RAP1GAP2: variants seen among roughly 807,000 people sequenced by gnomAD.
The protein encoded by RAP1GAP2 is RAP1 GTPase activating protein 2, also known as rap1 GTPase-activating protein 2.
A neutral mutation model predicts 95.0 loss-of-function variants in RAP1GAP2; 27 were observed. The observed-to-expected ratio is 0.28, with a 90% CI of 0.21 to 0.39. The LOEUF is 0.39. RAP1GAP2 is among the 10% of genes least tolerant of loss of function. RAP1GAP2 has a pLI of 1.00. For missense variants in RAP1GAP2, 771 were observed against 970.0 expected (o/e 0.79, Z 2.72); for synonymous variants, 373 against 380.9 (o/e 0.98, Z 0.24).
At chr17:2,842,529 C>CAAAAAAAAAAAAAAAAAAAAAAAAAAA (rs34473053) in intron 2 of RAP1GAP2, among the ~76,000 whole-genome samples, 1 of 78,066 alleles carries the variant, frequency 1.3e-5, no homozygotes. Context: ...GATTCCGTCT[C>CAAAAAAAAAAAAAAAAAAAAAAAAAAA]AAAAAAAAAA....
chr17:2,937,606 G>GGGAAGGAGA (rs2043344381), intron 3 of RAP1GAP2, among the ~76,000 whole-genome samples: 1 of 152,142 alleles, frequency 6.6e-6, no homozygotes, highest in South Asian at 2.1e-4. Flanking sequence ...CTTTTTCCAG[G>GGGAAGGAGA]GGAAGGAGAG....
upstream of RAP1GAP2, among the ~76,000 whole-genome samples, chr17:2,772,684 G>C (rs184047046): frequency 2.8e-4 from 42 of 152,108 alleles, no homozygotes; most frequent in Admixed American, 1.2e-3. Flanking sequence ...CTATGATCTA[G>C]GTACTATTGT....
intron 2 of RAP1GAP2, among the ~76,000 whole-genome samples, chr17:2,863,828 A>C (rs1308336936): frequency 1.3e-5 from 2 of 152,142 alleles, no homozygotes; most frequent in Non-Finnish European, 2.9e-5. Context: ...AGGCCAAGGC[A>C]GGCGGATCAC....
chr17:3,028,811 T>A (rs2047205210), intron 22 of RAP1GAP2, among the ~76,000 whole-genome samples: 1 of 152,088 alleles, frequency 6.6e-6, no homozygotes, highest in Non-Finnish European at 1.5e-5. Context: ...ATTCCCTGAT[T>A]TTTTTTCGAG....
chr17:2,862,964 T>TCAC (rs1182675539), intron 2 of RAP1GAP2, among the ~76,000 whole-genome samples: 4 of 123,934 alleles, frequency 3.2e-5, no homozygotes, highest in Non-Finnish European at 6.2e-5. Flanking sequence ...ACCACTGAAC[T>TCAC]CCAGCCTGGG....
chr17:2,846,213 A>G (rs897920718), intron 2 of RAP1GAP2, among the ~76,000 whole-genome samples: 2 of 152,008 alleles, frequency 1.3e-5, no homozygotes, highest in South Asian at 4.2e-4. Flanking sequence ...GTTCTCATCA[A>G]TGGAATCCCG....
intron 3 of RAP1GAP2, among the ~76,000 whole-genome samples, chr17:2,919,921 G>A (rs1371554840): frequency 2.0e-5 from 3 of 151,780 alleles, no homozygotes; most frequent in African/African-American, 7.3e-5. Flanking sequence ...GGCTGGTCTC[G>A]AACTCTTGAC....
chr17:2,792,523 C>T (rs927640239), upstream of RAP1GAP2, among the ~76,000 whole-genome samples: 24 of 152,224 alleles, frequency 1.6e-4, no homozygotes, highest in African/African-American at 5.3e-4. Flanking sequence ...CCCTGCAGGG[C>T]TCATGATGGG....
intron 12 of RAP1GAP2, among the ~76,000 whole-genome samples, chr17:2,991,938 T>C (rs2045770553): frequency 6.6e-6 from 1 of 151,082 alleles, no homozygotes; most frequent in Non-Finnish European, 1.5e-5. Context: ...CTAAGGTTTT[T>C]GTATTTGAGT....
chr17:2,997,054 C>A (rs117088531), intron 13 of RAP1GAP2, among the ~76,000 whole-genome samples: 4 of 152,134 alleles, frequency 2.6e-5, no homozygotes, highest in African/African-American at 9.7e-5. Context: ...TAGCTCACCG[C>A]GGCCTTGAAC....
intron 17 of RAP1GAP2, 106 bp from the exon 18 acceptor site, chr17:3,017,954 TG>T: frequency 3.9e-6 from 4 of 1,017,324 alleles, no homozygotes; most frequent in Non-Finnish European, 5.7e-6. Context: ...TGTGTATGTG[TG>T]CACGCATACG....
At chr17:2,845,794 A>G (rs11653291) in intron 2 of RAP1GAP2, among the ~76,000 whole-genome samples, 22,700 of 150,950 alleles carry the variant, frequency 0.15, 1,901 homozygotes, top group East Asian at 0.19. Context: ...CCTGTAGGCG[A>G]AGGTTTTGGT....
intron 3 of RAP1GAP2, among the ~76,000 whole-genome samples, chr17:2,940,156 G>C (rs1436969532): frequency 1.3e-5 from 2 of 152,128 alleles, no homozygotes; most frequent in Non-Finnish European, 2.9e-5. Context: ...AGCCTCTCCT[G>C]TTGTCACCTG....
At chr17:2,957,414 T>C (rs1257357865) in intron 3 of RAP1GAP2, among the ~76,000 whole-genome samples, 3 of 152,216 alleles carry the variant, frequency 2.0e-5, no homozygotes, top group Non-Finnish European at 4.4e-5. Context: ...ATCCTAAATA[T>C]GGCTCCTGCC....
At chr17:2,886,295 C>G (rs980829286) in intron 2 of RAP1GAP2, among the ~76,000 whole-genome samples, 2 of 151,612 alleles carry the variant, frequency 1.3e-5, no homozygotes, top group Non-Finnish European at 2.9e-5. Flanking sequence ...GCCTCAGCCT[C>G]TCGAGTAGCT....
intron 12 of RAP1GAP2, among the ~76,000 whole-genome samples, chr17:2,992,164 CTTTTTTT>C (rs11454789): frequency 2.2e-5 from 3 of 134,768 alleles, no homozygotes; most frequent in African/African-American, 8.3e-5. Context: ...ACAGTCTATG[CTTTTTTT>C]TTTTTTTTTG....
chr17:2,792,357 C>G (rs2068948051), upstream of RAP1GAP2, among the ~76,000 whole-genome samples: 1 of 152,218 alleles, frequency 6.6e-6, no homozygotes, highest in Admixed American at 6.5e-5. Flanking sequence ...CTCAGTGTTT[C>G]TGTTTGCTGA....
At chr17:2,982,934 A>G (rs62092002) in intron 10 of RAP1GAP2, among the ~76,000 whole-genome samples, 30,211 of 152,194 alleles carry the variant, frequency 0.2, 3,577 homozygotes, top group East Asian at 0.33. Context: ...TAAAATTTGC[A>G]GAGTTTAGAA....
At chr17:2,763,129 C>T (rs1454904662) in intron 1 of RAP1GAP2, among the ~76,000 whole-genome samples, 3 of 152,164 alleles carry the variant, frequency 2.0e-5, no homozygotes, top group Non-Finnish European at 4.4e-5. Context: ...TCCTTATATT[C>T]AATGCAATCC....
Sources: allele counts gnomAD v4.1 joint callset (sites outside exome capture counted in the v4.1 genomes callset), GRCh38; gene constraint gnomAD v4.1.1; transcripts MANE v1.5; gene names NCBI Gene and HGNC (gene_info 2026-07-23, HGNC 2026-07-21).